TCF12: variants seen among roughly 807,000 people sequenced by gnomAD.
The protein encoded by TCF12 is transcription factor 12.
Under a neutral mutation model 86.0 loss-of-function variants are expected in TCF12, and 45 were observed. That is an observed-to-expected ratio of 0.52 (90% CI 0.41 to 0.67). TCF12 has a LOEUF of 0.67. Among genes scored for constraint, TCF12 ranks in the 30% least tolerant of loss-of-function variants. The probability of loss-of-function intolerance (pLI) is 0.00; values close to 1 mark genes in which losing one functional copy is unlikely to be tolerated. For missense variants in TCF12, 881 were observed against 859.9 expected, an observed-to-expected ratio of 1.02 and a Z score of -0.31; for synonymous variants, 330 against 299.6, an observed-to-expected ratio of 1.10 and a Z score of -1.05.
intron 5 of TCF12, among the ~76,000 whole-genome samples, chr15:57,148,731 G>A (rs2053545149): frequency 6.9e-6 from 1 of 145,918 alleles, no homozygotes; most frequent in African/African-American, 2.5e-5. Flanking sequence ...ACAAAATTTA[G>A]CTGGGCATGG....
chr15:57,092,824 G>A (rs758570541), intron 5 of TCF12, among the ~76,000 whole-genome samples: 2 of 152,152 alleles, frequency 1.3e-5, no homozygotes, highest in African/African-American at 4.8e-5. Flanking sequence ...ATTTCTTAAG[G>A]ACATGACCTA....
intron 5 of TCF12, among the ~76,000 whole-genome samples, chr15:57,140,844 T>C (rs181265522): frequency 3.1e-4 from 47 of 152,346 alleles, no homozygotes; most frequent in African/African-American, 1.1e-3. Flanking sequence ...ACCAGTATAT[T>C]ATGACCTCTG....
At position 57,262,191 on chromosome 15, in the gene TCF12, C is replaced by T. The variant is rs745632823; in HGVS notation, c.1565C>T (p.Thr522Ile). The T allele has an allele frequency of 2.5e-6, 4 of 1,610,194 alleles. No individual in the cohort carries two copies. In the Admixed American group the frequency reaches 5.0e-5, roughly 20 times the overall value. Reference protein sequence around the residue: ...TTSSTDLNHKTQENYRGGLQS... With the variant: ...TTSSTDLNHKIQENYRGGLQS... ...TCAAGCACAGACCTGAACCATAAAA[C>T]ACAAGAAAATTATAGAGGTAACTAT... Residue 522 changes from threonine to isoleucine, a missense_variant, in exon 17 of 21, where the codon ACA becomes ATA. By Grantham distance (89) the Thr-to-Ile change is moderately conservative. Transcript: ENST00000333725.
chr15:57,265,091 AGT>A (rs2060795615), intron 18 of TCF12, among the ~76,000 whole-genome samples: 2 of 144,744 alleles, frequency 1.4e-5, no homozygotes, highest in African/African-American at 5.0e-5. Flanking sequence ...AGTATAGTAT[AGT>A]ATAGTATAGT....
At chr15:57,056,373 C>G (rs1383080268) in intron 3 of TCF12, among the ~76,000 whole-genome samples, 1 of 151,990 alleles carries the variant, frequency 6.6e-6, no homozygotes, top group Non-Finnish European at 1.5e-5. Context: ...AACTCCTGAC[C>G]TCAGGTGATC....
At chr15:57,128,140 C>T (rs1027503594) in intron 5 of TCF12, among the ~76,000 whole-genome samples, 9 of 152,014 alleles carry the variant, frequency 5.9e-5, no homozygotes, top group Non-Finnish European at 1.2e-4. Flanking sequence ...TATGTATGTC[C>T]GCTTCAAGTG....
At chr15:57,176,202 G>A (rs1276260499) in intron 6 of TCF12, among the ~76,000 whole-genome samples, 1 of 152,126 alleles carries the variant, frequency 6.6e-6, no homozygotes, top group Non-Finnish European at 1.5e-5. Context: ...TGTCTCTAGA[G>A]AAAAAGAAAT....
At chr15:56,998,898 G>GAT (rs2063860215) in intron 3 of TCF12, among the ~76,000 whole-genome samples, 1 of 152,048 alleles carries the variant, frequency 6.6e-6, no homozygotes, top group Non-Finnish European at 1.5e-5. Context: ...AAATCTCCAA[G>GAT]TACTTAGAAA....
At chr15:57,017,726 C>CTTTTT (rs34230192) in intron 3 of TCF12, among the ~76,000 whole-genome samples, 4 of 130,564 alleles carry the variant, frequency 3.1e-5, no homozygotes, top group Non-Finnish European at 4.8e-5. Context: ...AATTTTCTTT[C>CTTTTT]TTTTTTTTTT....
At chr15:56,972,601 A>G (rs145907199) in intron 3 of TCF12, among the ~76,000 whole-genome samples, 127 of 152,302 alleles carry the variant, frequency 8.3e-4, no homozygotes, top group African/African-American at 3.0e-3. Context: ...AGCCATAGAA[A>G]AGATAAGCCA....
rs527712739 is a variant in TCF12 at position 57,166,544 on chromosome 15, A to G, written c.390+78A>G. Reference sequence around the variant, plus strand: ...AAGGCTCTATTAATAGATGAGATAGAAATTATCCAATTTATTTCACTACTG... The same window carrying G: ...AAGGCTCTATTAATAGATGAGATAGGAATTATCCAATTTATTTCACTACTG... On this transcript the variant is annotated intron_variant, in intron 6 of 20. Transcript: ENST00000333725. 6.8e-5 allele frequency: 85 copies of G among 1,248,152 alleles called. No homozygotes were observed. The African/African-American group carries it at 1.2e-3, about 18-fold the overall frequency. 77.3% of individuals were successfully genotyped at this position (1,248,152 alleles called of 1,614,324 possible). A position where few individuals can be genotyped will look rare whatever the true frequency, so the allele number is the denominator to read the frequency against.
At chr15:57,203,267 T>C (rs79065819) in intron 8 of TCF12, among the ~76,000 whole-genome samples, 3 of 152,330 alleles carry the variant, frequency 2.0e-5, no homozygotes, top group East Asian at 3.9e-4. Context: ...ACTTTTTTTT[T>C]CCTTTTCTAA....
intron 5 of TCF12, among the ~76,000 whole-genome samples, chr15:57,124,368 T>C (rs1469094419): frequency 1.3e-5 from 2 of 152,192 alleles, no homozygotes; most frequent in Admixed American, 6.5e-5. Flanking sequence ...TGAGACTGGC[T>C]AGGGAATTTG....
At chr15:57,180,662 A>C (rs1485983864) in intron 6 of TCF12, among the ~76,000 whole-genome samples, 2 of 152,150 alleles carry the variant, frequency 1.3e-5, no homozygotes, top group Non-Finnish European at 2.9e-5. Flanking sequence ...GAATAATAAC[A>C]CAGCAGAGGT....
chr15:57,250,633 G>C (rs1245490763), intron 13 of TCF12, among the ~76,000 whole-genome samples: 2 of 152,112 alleles, frequency 1.3e-5, no homozygotes, highest in African/African-American at 4.8e-5. Flanking sequence ...GGAGGCTGAG[G>C]CAGGAGAATC....
At chr15:56,936,479 T>A (rs1268815032) in intron 3 of TCF12, among the ~76,000 whole-genome samples, 1 of 152,228 alleles carries the variant, frequency 6.6e-6, no homozygotes, top group African/African-American at 2.4e-5. Context: ...AGCTCTTCAG[T>A]TTAATTAAGA....
chr15:57,097,645 G>A (rs551400926), intron 5 of TCF12, among the ~76,000 whole-genome samples: 2 of 152,288 alleles, frequency 1.3e-5, no homozygotes, highest in East Asian at 3.9e-4. Context: ...TGATTTGACA[G>A]TGTTTCATAA....
At chr15:57,150,808 GA>G (rs1465141598) in intron 5 of TCF12, among the ~76,000 whole-genome samples, 2 of 151,682 alleles carry the variant, frequency 1.3e-5, no homozygotes, top group Admixed American at 6.6e-5. Flanking sequence ...TGAATGCTAT[GA>G]AAAAAACGGA....
At chr15:57,106,754 G>A (rs572212065) in intron 5 of TCF12, among the ~76,000 whole-genome samples, 49 of 152,136 alleles carry the variant, frequency 3.2e-4, no homozygotes, top group Non-Finnish European at 6.5e-4. Context: ...TAAGAAATGG[G>A]CAAAAGACCT....
Sources: gnomAD v4.1 joint callset for allele counts (sites outside exome capture counted in the v4.1 genomes callset) on GRCh38, gnomAD v4.1.1 for gene constraint, MANE v1.5 for transcripts, NCBI Gene and HGNC (gene_info 2026-07-23, HGNC 2026-07-21) for gene names.